The following TRANK1 variants were observed in gnomAD, a reference collection of about 807,000 sequenced individuals.
TRANK1 encodes TPR and ankyrin repeat-containing protein 1.
TRANK1 carries 198 observed loss-of-function variants against 266.0 expected under a neutral mutation model. The ratio of observed to expected loss-of-function variants is 0.74; its 90% CI spans 0.66 to 0.84. The LOEUF (loss-of-function observed/expected upper bound fraction) is 0.84, where lower values mean the gene tolerates loss of function less well. Among genes scored for constraint, TRANK1 ranks in the 40% least tolerant of loss-of-function variants. The probability of loss-of-function intolerance (pLI) is 0.00; values close to 1 mark genes in which losing one functional copy is unlikely to be tolerated. For synonymous variants in TRANK1, 1,396 were observed against 1,384.1 expected, an observed-to-expected ratio of 1.01 and a Z score of -0.19; for missense variants, 3,326 against 3,634.6, an observed-to-expected ratio of 0.92 and a Z score of 2.18.
At position 36,846,384 on chromosome 3, in the gene TRANK1, C is replaced by T. The variant is rs761632937; in HGVS notation, c.5055G>A (p.Lys1685=). ...EMYKLLNGEL[K]QLYTAITRAR... ...CCCGTGTGATGGCGGTGTACAGCTG[C>T]TTCAGCTCTCCGTTGAGGAGCTAAA... The change falls in exon 17 of 24, where the codon AAG becomes AAA. Residue 1685 remains lysine, a synonymous_variant. Coordinates refer to ENST00000645898, the MANE Select transcript of TRANK1 (RefSeq NM_001329998.2). The T allele has an allele frequency of 1.2e-6, 2 of 1,613,268 alleles. No homozygotes were observed. The highest frequency in any genetic ancestry group is 3.3e-5 in the Admixed American group (2 of 59,938).
In TRANK1 at chr3:36,832,041, G is replaced by A. The variant is rs780971125; in HGVS notation, c.7542C>T (p.Asp2514=). ...GGAAATCCTGAATGGCTCTTGTCACGTCCTTGGGTTTGTATTCCTGAATGA... is the reference window on the plus strand; with the variant it reads ...GGAAATCCTGAATGGCTCTTGTCACATCCTTGGGTTTGTATTCCTGAATGA... ...FSIIQEYKPK[D]VTRAIQDFRF... The change falls in exon 22 of 24, where the codon GAC becomes GAT. Residue 2514 remains aspartate, a synonymous_variant. Transcript: ENST00000645898. 8.7e-6 allele frequency: 14 copies of A among 1,613,882 alleles called. No individual in the cohort carries two copies. Among genetic ancestry groups the A allele is most frequent in the Non-Finnish European group, 1.2e-5 (14 of 1,179,908 alleles).
rs2079047833 is a variant in TRANK1 at position 36,856,046 on chromosome 3, C to A, written c.3676G>T (p.Asp1226Tyr). The A allele has an allele frequency of 1.9e-6, 3 of 1,613,570 alleles. No individual in the cohort carries two copies. Among genetic ancestry groups the A allele is most frequent in the Non-Finnish European group, 1.7e-6 (2 of 1,179,876 alleles). The change falls in exon 13 of 24, where the codon GAC (aspartate) becomes TAC (tyrosine). Residue 1226 changes from aspartate (D) to tyrosine (Y), a missense_variant. Physicochemically the swap from Asp to Tyr is radical, Grantham distance 160 (BLOSUM62 -3). Transcript: ENST00000645898. ...TKATSHYKPL[D>Y]PNIHKLQDLR... ...TCCTGGAGTTTGTGAATGTTGGGGT[C>A]CAGTGGTTTGTAATGACTAGTGGCC... is the stretch of plus-strand genomic sequence containing the variant.
Position 36,944,842 on chromosome 3 carries a change from C to T in TRANK1, c.-33G>A, listed in dbSNP as rs1234272720. ...GCCGGAGGGTCCGCACCAGGACCGC[C>T]GCCGCCTGGGGAAGCGCTTCCCTGT... On this transcript the variant is annotated 5_prime_UTR_variant, in exon 1 of 24. Coordinates refer to ENST00000645898, the MANE Select transcript of TRANK1 (RefSeq NM_001329998.2). 3.5e-6 allele frequency: 5 copies of T among 1,448,646 alleles called. No individual in the cohort carries two copies. The East Asian group carries it at 1.5e-4, about 44-fold the overall frequency. The allele number at this position is 1,448,646 out of a possible 1,614,324, so 89.7% of individuals were successfully genotyped here.
At chr3:36,868,537 T>C (rs1458136341) in intron 9 of TRANK1, among the ~76,000 whole-genome samples, 1 of 152,194 alleles carries the variant, frequency 6.6e-6, no homozygotes, top group Non-Finnish European at 1.5e-5. Context: ...AAGTGTTAGG[T>C]TTTATTACAT....
intron 13 of TRANK1, among the ~76,000 whole-genome samples, chr3:36,854,810 A>T (rs1291075928): frequency 2.6e-5 from 4 of 151,310 alleles, no homozygotes; most frequent in African/African-American, 9.7e-5. Flanking sequence ...TGCTTCAAGG[A>T]TTAATGACTT....
At chr3:36,927,878 T>C (rs1030200105) in intron 1 of TRANK1, among the ~76,000 whole-genome samples, 1 of 152,222 alleles carries the variant, frequency 6.6e-6, no homozygotes, top group African/African-American at 2.4e-5. Flanking sequence ...ATGTCCATGC[T>C]CCATCCTATT....
intron 11 of TRANK1, among the ~76,000 whole-genome samples, chr3:36,859,847 T>A (rs955126727): frequency 1.3e-5 from 2 of 151,610 alleles, no homozygotes; most frequent in Non-Finnish European, 2.9e-5. Context: ...AAGGAAGGAG[T>A]TTAAAAAAAT....
rs780665812 is a variant in TRANK1, at chr3:36,833,446, A to T, written c.6137T>A (p.Leu2046His). 6 of 1,613,820 alleles carry T rather than the reference A, an allele frequency of 3.7e-6. No homozygotes were observed. Among genetic ancestry groups the T allele is most frequent in the Non-Finnish European group, 5.1e-6 (6 of 1,179,776 alleles). Residue 2046 changes from leucine (L) to histidine (H), a missense_variant, in exon 22 of 24, where the codon CTC (leucine) becomes CAC (histidine). Leu to His is a moderately conservative substitution (Grantham distance 99, BLOSUM62 -3). Transcript: ENST00000645898. ...QGVILRDFQK[L>H]RDAFFKFDTL... ...GTCAAACTTGAAGAAGGCATCCCTG[A>T]GCTTCTGAAAGTCTCTCAGGATTAC...
At chr3:36,886,131 T>TG (rs1349370884) in intron 8 of TRANK1, among the ~76,000 whole-genome samples, 3 of 64,386 alleles carry the variant, frequency 4.7e-5, no homozygotes, top group Non-Finnish European at 8.1e-5. Flanking sequence ...TTGTTGTTGT[T>TG]TTTTTTTTTT....
chr3:36,881,067 T>TA (rs1222984325), intron 8 of TRANK1, among the ~76,000 whole-genome samples: 2 of 151,952 alleles, frequency 1.3e-5, no homozygotes, highest in Non-Finnish European at 2.9e-5. Flanking sequence ...AACTTTTTTT[T>TA]ATCAAAAACA....
At chr3:36,941,230 G>T (rs2080491916) in intron 1 of TRANK1, among the ~76,000 whole-genome samples, 2 of 152,150 alleles carry the variant, frequency 1.3e-5, no homozygotes, top group African/African-American at 4.8e-5. Context: ...CTTTCCAAGT[G>T]CTAGGAGGAC....
chr3:36,841,774 A>G (rs144591074), intron 18 of TRANK1, among the ~76,000 whole-genome samples: 237 of 152,340 alleles, frequency 1.6e-3, no homozygotes, highest in African/African-American at 5.6e-3. Context: ...TAGGCAACCA[A>G]TGAAAGGGAA....
At position 36,831,128 on chromosome 3, in the gene TRANK1, C is replaced by T. The variant is rs267599777; in HGVS notation, c.8455G>A (p.Glu2819Lys). The T allele has an allele frequency of 6.2e-6, 10 of 1,613,854 alleles. No homozygotes were observed. The highest frequency in any genetic ancestry group is 1.3e-5 in the African/African-American group (1 of 74,922). Residue 2819 changes from glutamate (E) to lysine (K), a missense_variant, in exon 22 of 24, where the codon GAG (glutamate) becomes AAG (lysine). By Grantham distance (56) the Glu-to-Lys change is moderately conservative. Coordinates refer to ENST00000645898, the MANE Select transcript of TRANK1 (RefSeq NM_001329998.2). This position sits in a 1 kb window ranked among gnomAD's most constrained non-coding sequence, Gnocchi z 5.0. ...TGGTGTTCTAGATGGATATGCTGCT[C>T]GTAAGACTCGCTGTTCCTCTCCTGA... is the stretch of plus-strand genomic sequence containing the variant. Reference protein sequence around the residue: ...ECQERNSESYEQHIHLEHHQR... With the variant: ...ECQERNSESYKQHIHLEHHQR...
rs973502563 is a variant in TRANK1, at chr3:36,864,377, T to C, written c.1182A>G (p.Lys394=). The change falls in exon 10 of 24, where the codon AAA becomes AAG. Residue 394 remains lysine (K), a synonymous_variant. Coordinates refer to ENST00000645898, the MANE Select transcript of TRANK1 (RefSeq NM_001329998.2). ...GAACTACTTCCTGCTTCAGAAAGTT[T>C]TTATGCAATAACCGGTTTCCTGAGT... is the stretch of plus-strand genomic sequence containing the variant. ...YMNSGNRLLH[K]NFLKQEVVQR... is the part of the protein sequence containing the mutation. 2 of 1,536,910 alleles carry C rather than the reference T, an allele frequency of 1.3e-6. No individual in the cohort carries two copies. The highest frequency in any genetic ancestry group is 1.7e-6 in the Non-Finnish European group (2 of 1,146,816).
At chr3:36,908,557 G>A in intron 1 of TRANK1, 103 bp from the exon 2 acceptor site, 1 of 1,231,218 alleles carries the variant, frequency 8.1e-7, no homozygotes, top group African/African-American at 1.5e-5. Flanking sequence ...GCTCACTATG[G>A]CCCCACCCAC....
At chr3:36,937,132 T>A (rs1383744641) in intron 1 of TRANK1, among the ~76,000 whole-genome samples, 1 of 152,098 alleles carries the variant, frequency 6.6e-6, no homozygotes, top group African/African-American at 2.4e-5. Context: ...CAAAGACAGA[T>A]CAATTTCAAC....
chr3:36,874,437 C>T, intron 8 of TRANK1, 141 bp from the exon 9 acceptor site: 1 of 867,620 alleles, frequency 1.2e-6, no homozygotes, highest in East Asian at 2.7e-5. Flanking sequence ...GCCTGCACTG[C>T]TAGCCTCAGG....
intron 10 of TRANK1, among the ~76,000 whole-genome samples, chr3:36,863,358 T>G (rs888892290): frequency 6.6e-6 from 1 of 152,166 alleles, no homozygotes; most frequent in African/African-American, 2.4e-5. Context: ...AGGACAGTCT[T>G]CATGGGCCAC....
intron 1 of TRANK1, among the ~76,000 whole-genome samples, chr3:36,941,450 C>G (rs2080495357): frequency 6.6e-6 from 1 of 152,214 alleles, no homozygotes; most frequent in Non-Finnish European, 1.5e-5. Flanking sequence ...GGAATTGATT[C>G]AGGTAAACGG....
Sources: allele counts gnomAD v4.1 joint callset (sites outside exome capture counted in the v4.1 genomes callset), GRCh38; gene constraint gnomAD v4.1.1; non-coding constraint Gnocchi (gnomAD v3.1); transcripts MANE v1.5; gene names NCBI Gene and HGNC (gene_info 2026-07-23, HGNC 2026-07-21).